Variants in TG observed in about 807,000 individuals in gnomAD.
TG encodes thyroglobulin.
TG carries 270 observed loss-of-function variants against 324.7 expected under a neutral mutation model. The ratio of observed to expected loss-of-function variants is 0.83; its 90% confidence interval spans 0.75 to 0.92. The LOEUF (loss-of-function observed/expected upper bound fraction) is 0.92. Ranked by LOEUF, TG falls within the 40% of genes least tolerant of loss-of-function variation. The probability of loss-of-function intolerance (pLI) is 0.00; values close to 1 mark genes in which losing one functional copy is unlikely to be tolerated. For missense variants in TG, 3,591 were observed against 3,456.4 expected, an observed-to-expected ratio of 1.04 and a Z score of -0.98; for synonymous variants, 1,401 against 1,327.0, an observed-to-expected ratio of 1.06 and a Z score of -1.21.
At chr8:132,955,496 G>T (rs187594946) in intron 27 of TG, among the ~76,000 whole-genome samples, 16 of 152,290 alleles carry the variant, frequency 1.1e-4, no homozygotes, top group South Asian at 6.2e-4. Flanking sequence ...TAGGGCTATT[G>T]GGCTCAGGAA....
chr8:133,077,259 CAA>C (rs1488635836), intron 41 of TG, among the ~76,000 whole-genome samples: 1 of 152,246 alleles, frequency 6.6e-6, no homozygotes, highest in East Asian at 1.9e-4. Flanking sequence ...CAGAGGCAGA[CAA>C]GAGAGAGGCC....
chr8:133,004,735 A>G (rs1433349008), intron 35 of TG, among the ~76,000 whole-genome samples: 3 of 152,200 alleles, frequency 2.0e-5, no homozygotes, highest in African/African-American at 7.2e-5. Flanking sequence ...TGCCAACCAC[A>G]CATCTGCCTG....
chr8:133,110,434 C>T (rs1468608235), intron 43 of TG, among the ~76,000 whole-genome samples: 2 of 152,166 alleles, frequency 1.3e-5, no homozygotes, highest in Non-Finnish European at 2.9e-5. Context: ...CACAGTTTTT[C>T]AAATATTCAT....
intron 6 of TG, 151 bp from the exon 7 acceptor site, chr8:132,882,318 C>A: frequency 3.2e-6 from 3 of 931,808 alleles, no homozygotes; most frequent in Non-Finnish European, 3.5e-6. Context: ...TCCACAGCAG[C>A]TCTGACTTTG....
At chr8:133,031,653 G>A (rs752624172) in intron 41 of TG, among the ~76,000 whole-genome samples, 6 of 152,162 alleles carry the variant, frequency 3.9e-5, no homozygotes, top group Non-Finnish European at 8.8e-5. Flanking sequence ...TCCTAGGAGG[G>A]TAGGAGAAGT....
intron 41 of TG, among the ~76,000 whole-genome samples, chr8:133,078,962 T>G (rs57119540): frequency 0.47 from 70,965 of 151,844 alleles, 17,024 homozygotes; most frequent in African/African-American, 0.55. Flanking sequence ...AGGGGGCCAG[T>G]AGAGGAGACC....
In TG at chr8:132,995,332, C is replaced by A. The variant is rs1024549858; in HGVS notation, c.6262+11920C>A. On this transcript the variant is annotated intron_variant, in intron 35 of 47. Coordinates refer to ENST00000220616, the MANE Select transcript of TG (RefSeq NM_003235.5). Reference sequence around the variant, plus strand: ...AGTGCTTGATAAATGGAATGAGCAGCAGCTGCTCCTGCTCCTGCAGAGATC... The same window carrying A: ...AGTGCTTGATAAATGGAATGAGCAGAAGCTGCTCCTGCTCCTGCAGAGATC... 3.0e-6 allele frequency: 3 copies of A among 985,036 alleles called. No homozygotes were observed. The African/African-American group carries it at 5.3e-5, about 17-fold the overall frequency. The allele number at this position is 985,036 out of a possible 1,614,324, so 61.0% of individuals were successfully genotyped here. A position where few individuals can be genotyped will look rare whatever the true frequency, so the allele number is the denominator to read the frequency against.
Position 132,912,960 on chromosome 8 carries a change from A to T in TG, c.4160-87A>T. ...GCCTATGTCTCATTCCAGTCTGGAT[A>T]TTCTAGGCATCTCTGCCCTGCTTAA... On this transcript the variant is annotated intron_variant, in intron 19 of 47. Coordinates refer to ENST00000220616, the MANE Select transcript of TG (RefSeq NM_003235.5). 4.0e-6 allele frequency: 5 copies of T among 1,240,670 alleles called. No homozygotes were observed. The South Asian group carries it at 6.3e-5, about 16-fold the overall frequency. The allele number at this position is 1,240,670 out of a possible 1,614,324, so 76.9% of individuals were successfully genotyped here.
At chr8:133,127,173 C>T (rs1313424442) in intron 45 of TG, among the ~76,000 whole-genome samples, 1 of 152,210 alleles carries the variant, frequency 6.6e-6, no homozygotes, top group African/African-American at 2.4e-5. Flanking sequence ...ATAAGGGGAA[C>T]CCAGGCTCAA....
Position 133,096,208 on chromosome 8 carries a change from C to T in TG, c.7407C>T (p.Leu2469=). 2 of 1,614,238 alleles carry T rather than the reference C, an allele frequency of 1.2e-6. No homozygotes were observed. Among genetic ancestry groups the T allele is most frequent in the Non-Finnish European group, 1.7e-6 (2 of 1,180,052 alleles). The change falls in exon 43 of 48, where the codon CTC becomes CTT. Residue 2469 remains leucine, a splice_region_variant and synonymous_variant. Coordinates refer to ENST00000220616, the MANE Select transcript of TG (RefSeq NM_003235.5). ...GATTATTGTTGCATCCAATGCAGCT[C>T]CTGGCCGTGAGTGGCCCTTTCCACT... is the stretch of plus-strand genomic sequence containing the variant. ...ANVLNDAQTK[L]LAVSGPFHYW...
In TG at chr8:133,055,961, AGATT is replaced by A. The variant is rs1360145752; in HGVS notation, c.7239+25941_7239+25944del. On this transcript the variant is annotated intron_variant, in intron 41 of 47. Coordinates refer to ENST00000220616, the MANE Select transcript of TG (RefSeq NM_003235.5). ...CCTCACGCCTCCCTGTGAGGTTGATAGATTGAAACTACCTTATTTTGAGTATGAG... is the reference window on the plus strand; with the variant it reads ...CCTCACGCCTCCCTGTGAGGTTGATAGAAACTACCTTATTTTGAGTATGAG... Among the ~76,000 whole-genome samples the A allele has an allele frequency of 2.6e-5, 4 of 152,142 alleles. No homozygotes were observed. In the East Asian group the frequency reaches 7.8e-4, roughly 30 times the overall value.
intron 5 of TG, among the ~76,000 whole-genome samples, chr8:132,878,667 G>C (rs1366504606): frequency 4.0e-5 from 6 of 151,710 alleles, no homozygotes; most frequent in African/African-American, 1.5e-4. Context: ...TTCAGAGGCT[G>C]CGAATGTTGG....
chr8:132,915,522 G>C (rs1268772621), intron 20 of TG, among the ~76,000 whole-genome samples: 1 of 152,178 alleles, frequency 6.6e-6, no homozygotes, highest in Non-Finnish European at 1.5e-5. Flanking sequence ...CCGAGGGGCT[G>C]TGGGAGCCAC....
chr8:133,079,996 C>T (rs1845499488), intron 41 of TG, among the ~76,000 whole-genome samples: 1 of 151,734 alleles, frequency 6.6e-6, no homozygotes, highest in Non-Finnish European at 1.5e-5. Context: ...GTTTTTTGAA[C>T]CCCTTCAATG....
At position 132,866,995 on chromosome 8, in the gene TG, A is replaced by G; in HGVS notation, c.-6A>G. ...CTCCTCCTTCCTCCCAGGAAGGGCCAGGAAAATGGCCCTGGTCCTGGAGAT... is the reference window on the plus strand; with the variant it reads ...CTCCTCCTTCCTCCCAGGAAGGGCCGGGAAAATGGCCCTGGTCCTGGAGAT... On this transcript the variant is annotated 5_prime_UTR_variant, in exon 1 of 48. Coordinates refer to ENST00000220616, the MANE Select transcript of TG (RefSeq NM_003235.5). The G allele has an allele frequency of 6.3e-7, 1 of 1,590,428 alleles. No homozygotes were observed.
chr8:132,950,646 G>A (rs1825978257), intron 27 of TG, among the ~76,000 whole-genome samples: 1 of 152,198 alleles, frequency 6.6e-6, no homozygotes, highest in Admixed American at 6.5e-5. Context: ...TTGCCTGTCT[G>A]TGGAAAGTTT....
intron 43 of TG, among the ~76,000 whole-genome samples, chr8:133,103,264 T>C (rs935801643): frequency 3.9e-5 from 6 of 152,196 alleles, no homozygotes; most frequent in African/African-American, 1.2e-4. Context: ...AGCCACCCTG[T>C]CTGTCTCTTG....
intron 35 of TG, among the ~76,000 whole-genome samples, chr8:133,001,288 G>T (rs1260159799): frequency 1.3e-5 from 2 of 152,180 alleles, no homozygotes; most frequent in African/African-American, 4.8e-5. Flanking sequence ...GAGATGCGGA[G>T]TCGAAGATAA....
At chr8:132,989,264 T>A (rs1046728396) in intron 35 of TG, among the ~76,000 whole-genome samples, 1 of 152,212 alleles carries the variant, frequency 6.6e-6, no homozygotes, top group Non-Finnish European at 1.5e-5. Flanking sequence ...CCAAATCATA[T>A]CAAGATGCTA....
Sources: gnomAD v4.1 joint callset for allele counts (sites outside exome capture counted in the v4.1 genomes callset) on GRCh38, gnomAD v4.1.1 for gene constraint, MANE v1.5 for transcripts, NCBI Gene and HGNC (gene_info 2026-07-23, HGNC 2026-07-21) for gene names.